Variants in DPH5 observed in about 807,000 individuals in gnomAD.
DPH5 encodes diphthine methyl ester synthase.
Under a neutral mutation model 31.6 loss-of-function variants are expected in DPH5, and 31 were observed. The observed-to-expected ratio is 0.98, with a 90% CI of 0.74 to 1.32. DPH5 has a LOEUF of 1.32. DPH5 is among the 40% of genes most tolerant of loss of function. DPH5 has a pLI of 0.00. For synonymous variants in DPH5, 120 were observed against 115.0 expected (o/e 1.04, Z -0.28); for missense variants, 309 against 335.7 (o/e 0.92, Z 0.62).
chr1:101,022,711 G>A (rs879877553), intron 2 of DPH5, among the ~76,000 whole-genome samples: 2 of 152,104 alleles, frequency 1.3e-5, no homozygotes, highest in Non-Finnish European at 1.5e-5. Flanking sequence ...GTAGTGCAAC[G>A]GTATCTGGTA....
intron 3 of DPH5, among the ~76,000 whole-genome samples, chr1:101,015,229 A>C (rs1350465120): frequency 6.7e-6 from 1 of 149,734 alleles, no homozygotes; most frequent in Non-Finnish European, 1.5e-5. Context: ...CACAAAATAT[A>C]TTTCTTAGAT....
In DPH5 at chr1:100,990,307, G is replaced by A. The variant is rs1231312187; in HGVS notation, c.*101C>T. 4.6e-6 allele frequency: 5 copies of A among 1,081,964 alleles called. No individual in the cohort carries two copies. Among genetic ancestry groups the A allele is most frequent in the Non-Finnish European group, 5.5e-6 (4 of 729,306 alleles). The allele number at this position is 1,081,964 out of a possible 1,614,324, so 67.0% of individuals were successfully genotyped here. On this transcript the variant is annotated 3_prime_UTR_variant, in exon 8 of 8. Transcript: ENST00000370109. ...ACCTACCACAACACCTGGGAATTATGAGGATTAAAATTCAAGATGAGACTT... is the reference window on the plus strand; with the variant it reads ...ACCTACCACAACACCTGGGAATTATAAGGATTAAAATTCAAGATGAGACTT...
At chr1:101,012,912 T>C (rs1366996204) in intron 4 of DPH5, among the ~76,000 whole-genome samples, 2 of 152,226 alleles carry the variant, frequency 1.3e-5, no homozygotes, top group African/African-American at 4.8e-5. Context: ...TGCTAATGTA[T>C]CTTCTTGAAA....
intron 7 of DPH5, among the ~76,000 whole-genome samples, 190 bp downstream of exon 7, chr1:100,992,447 A>ATTTTT (rs759620290): frequency 1.3e-5 from 2 of 151,646 alleles, no homozygotes. Context: ...AAGAATGCCA[A>ATTTTT]TTTTTTTTTC....
intron 5 of DPH5, among the ~76,000 whole-genome samples, chr1:101,000,434 C>G (rs898673251): frequency 1.3e-5 from 2 of 151,988 alleles, no homozygotes; most frequent in African/African-American, 4.8e-5. Flanking sequence ...CATAAAAGAC[C>G]GAAAATTTAA....
At chr1:101,013,229 C>A (rs1320985907) in intron 4 of DPH5, among the ~76,000 whole-genome samples, 1 of 152,180 alleles carries the variant, frequency 6.6e-6, no homozygotes, top group African/African-American at 2.4e-5. Flanking sequence ...GGCACTCTAA[C>A]CCCTCAGAAC....
At chr1:101,022,816 T>C (rs1251319624) in intron 2 of DPH5, 1 of 152,236 alleles carries the variant, frequency 6.6e-6, no homozygotes, top group Non-Finnish European at 1.5e-5. Flanking sequence ...CTACCTTCTC[T>C]GTAGGTGTTC....
At position 101,025,677 on chromosome 1, in the gene DPH5, A is replaced by G. The variant is rs1660775925; in HGVS notation, c.-24+6T>C. On this transcript the variant is annotated splice_donor_region_variant and intron_variant, in intron 1 of 7. Coordinates refer to ENST00000370109, the MANE Select transcript of DPH5 (RefSeq NM_015958.3). ...TTGTTACACAAACCTAGGAGCAGCC[A>G]ATTACCCGCTGAGAGAATCGTAGGT... 1.9e-6 allele frequency: 1 copy of G among 533,566 alleles called. No individual in the cohort carries two copies. The highest frequency in any genetic ancestry group is 3.3e-5 in the East Asian group (1 of 30,322). 33.1% of individuals were successfully genotyped at this position (533,566 alleles called of 1,614,324 possible).
At chr1:101,016,948 C>G (rs1200000873) in intron 3 of DPH5, among the ~76,000 whole-genome samples, 1 of 152,178 alleles carries the variant, frequency 6.6e-6, no homozygotes. Flanking sequence ...GCAGTCAGAA[C>G]ACACACAACA....
In DPH5 at chr1:101,007,648, G is replaced by A. The variant is rs377134764; in HGVS notation, c.370-6061C>T. Among the ~76,000 whole-genome samples the A allele has an allele frequency of 7.2e-5, 11 of 151,976 alleles. No individual in the cohort carries two copies. The East Asian group carries it at 1.5e-3, about 21-fold the overall frequency. On this transcript the variant is annotated intron_variant, in intron 4 of 7. Coordinates refer to ENST00000370109, the MANE Select transcript of DPH5 (RefSeq NM_015958.3). Reference sequence around the variant, plus strand: ...GAGAATGGCATGAACCCGGGAGGTGGAGCTTGCAGTGAGCTGAGATCGCGC... The same window carrying A: ...GAGAATGGCATGAACCCGGGAGGTGAAGCTTGCAGTGAGCTGAGATCGCGC...
chr1:100,993,566 ATATATATAT>A lies in DPH5; in HGVS notation c.531-835_531-827del, dbSNP rs1558032275. ...GACTCTGTCGAAAATATAAATATAT[ATATATATAT>A]ATATATATATATATATATATATAGC... On this transcript the variant is annotated intron_variant, in intron 6 of 7. Coordinates refer to ENST00000370109, the MANE Select transcript of DPH5 (RefSeq NM_015958.3). Among the ~76,000 whole-genome samples the A allele has an allele frequency of 2.0e-3, 140 of 71,190 alleles. 3 individuals are homozygous for A. Among genetic ancestry groups the A allele is most frequent in the African/African-American group, 7.7e-3 (130 of 16,868 alleles). The allele number at this position is 71,190 out of a possible 152,430, so 46.7% of individuals were successfully genotyped here. A position where few individuals can be genotyped will look rare whatever the true frequency, so the allele number is the denominator to read the frequency against.
In DPH5 at chr1:100,992,703, C is replaced by T. The variant is rs578233795; in HGVS notation, c.568G>A (p.Val190Ile). 8 of 1,613,766 alleles carry T rather than the reference C, an allele frequency of 5.0e-6. No homozygotes were observed. Among genetic ancestry groups the T allele is most frequent in the African/African-American group, 2.7e-5 (2 of 74,902 alleles). Reference protein sequence around the residue: ...KIYEPPRYMSVNQAAQQLLEI... With the variant: ...KIYEPPRYMSINQAAQQLLEI... Reference sequence around the variant, plus strand: ...AGAAGCTGCTGGGCTGCTTGGTTTACACTCATATACCGTGGAGGTTCATAG... The same window carrying T: ...AGAAGCTGCTGGGCTGCTTGGTTTATACTCATATACCGTGGAGGTTCATAG... Residue 190 changes from valine (V) to isoleucine (I), a missense_variant, in exon 7 of 8, where the codon GTA becomes ATA. Val to Ile is a conservative substitution (Grantham distance 29, BLOSUM62 3). Coordinates refer to ENST00000370109, the MANE Select transcript of DPH5 (RefSeq NM_015958.3).
At chr1:101,004,105 G>A (rs1659058928) in intron 4 of DPH5, among the ~76,000 whole-genome samples, 1 of 152,146 alleles carries the variant, frequency 6.6e-6, no homozygotes, top group African/African-American at 2.4e-5. Context: ...TCTTTGAATT[G>A]TCTAATTTGA....
intron 3 of DPH5, among the ~76,000 whole-genome samples, chr1:101,018,704 G>GA (rs1405081338): frequency 6.6e-6 from 1 of 152,062 alleles, no homozygotes; most frequent in Admixed American, 6.6e-5. Flanking sequence ...TTGACAATAT[G>GA]CTTTATTCTA....
Position 101,025,450 on chromosome 1 carries a change from C to T in DPH5, c.-7G>A, listed in dbSNP as rs776898562. 5.0e-6 allele frequency: 8 copies of T among 1,613,838 alleles called. No individual in the cohort carries two copies. In the African/African-American group the frequency reaches 8.0e-5, roughly 16 times the overall value. On this transcript the variant is annotated 5_prime_UTR_variant, in exon 2 of 8. Transcript: ENST00000370109. ...ACCCGATGAGATAAAGCATTTCAAA[C>T]TTGAGGAGAAGAGAGACTGCAAGAC...
At chr1:101,020,040 G>A (rs1453148879) in intron 3 of DPH5, among the ~76,000 whole-genome samples, 1 of 152,172 alleles carries the variant, frequency 6.6e-6, no homozygotes, top group African/African-American at 2.4e-5. Context: ...CGGTTAAAGA[G>A]TAGCTAGAGA....
In DPH5 at chr1:101,001,511, A is replaced by C. The variant is rs1363420826; in HGVS notation, c.446T>G (p.Val149Gly). Residue 149 changes from valine to glycine, a missense_variant, in exon 5 of 8, where the codon GTG (valine) becomes GGG (glycine). Transcript: ENST00000370109. ...CATGCCATTTTGTCTGTTCTTCTTC[A>C]CTTTGTCAAAGAAGCTTTCTGGTCT... Reference protein sequence around the residue: ...TWRPESFFDKVKKNRQNGMHT... With the variant: ...TWRPESFFDKGKKNRQNGMHT... 1 of 1,613,592 alleles carries C rather than the reference A, an allele frequency of 6.2e-7. No homozygotes were observed. Among genetic ancestry groups the C allele is most frequent in the South Asian group, 1.1e-5 (1 of 91,070 alleles).
intron 3 of DPH5, among the ~76,000 whole-genome samples, chr1:101,018,301 C>A (rs1660219823): frequency 6.7e-6 from 1 of 150,322 alleles, no homozygotes; most frequent in African/African-American, 2.5e-5. Context: ...TGCAGTGGCA[C>A]GATCTTGGCT....
At chr1:100,995,246 A>G (rs1658243530) in intron 5 of DPH5, 97 bp from the exon 6 acceptor site, 1 of 711,632 alleles carries the variant, frequency 1.4e-6, no homozygotes, top group African/African-American at 1.8e-5. Flanking sequence ...ATTTTGGGGA[A>G]ACACTCTTCC....
Sources: allele counts gnomAD v4.1 joint callset (sites outside exome capture counted in the v4.1 genomes callset), GRCh38; gene constraint gnomAD v4.1.1; transcripts MANE v1.5; gene names NCBI Gene and HGNC (gene_info 2026-07-23, HGNC 2026-07-21).